C1QTNF9: variants seen among roughly 807,000 people sequenced by gnomAD.
The protein encoded by C1QTNF9 is complement C1q and tumor necrosis factor-related protein 9A.
C1QTNF9 carries 6 observed loss-of-function variants against 10.1 expected under a neutral mutation model. The observed-to-expected ratio is 0.59, with a 90% CI of 0.32 to 1.17. C1QTNF9 has a LOEUF of 1.17. Among genes scored for constraint, C1QTNF9 ranks in the 50% most tolerant of loss-of-function variants. The pLI is 0.04. For missense variants in C1QTNF9, 201 were observed against 418.8 expected (o/e 0.48, Z 4.54); for synonymous variants, 98 against 163.5 (o/e 0.60, Z 3.06).
chr13:24,319,454 G>A (rs1001358065), intron 3 of C1QTNF9, among the ~76,000 whole-genome samples: 1 of 152,110 alleles, frequency 6.6e-6, no homozygotes, highest in Non-Finnish European at 1.5e-5. Flanking sequence ...TGGGAGGATC[G>A]CTTGAGCCTG....
rs527737555 is a variant in C1QTNF9 at position 24,316,599 on chromosome 13, G to A, written c.166+430G>A. 4.6e-5 allele frequency among the ~76,000 whole-genome samples: 7 copies of A among 152,372 alleles called. No homozygotes were observed. In the South Asian group the frequency reaches 1.4e-3, roughly 32 times the overall value. Reference sequence around the variant, plus strand: ...CAGCAAGCACCCAGCTGCAGTGCAGGTGAGAGCTAATACCGCATCATGCCA... The same window carrying A: ...CAGCAAGCACCCAGCTGCAGTGCAGATGAGAGCTAATACCGCATCATGCCA... On this transcript the variant is annotated intron_variant, in intron 2 of 3. Transcript: ENST00000332018.
chr13:24,314,295 T>G (rs1877945687), intron 1 of C1QTNF9, among the ~76,000 whole-genome samples: 1 of 151,978 alleles, frequency 6.6e-6, no homozygotes, highest in Non-Finnish European at 1.5e-5. Context: ...ATACTAGCAC[T>G]TTGGGAGACT....
intron 1 of C1QTNF9, among the ~76,000 whole-genome samples, chr13:24,315,334 C>T (rs933890106): frequency 1.3e-5 from 2 of 152,154 alleles, no homozygotes; most frequent in African/African-American, 4.8e-5. Context: ...GGTTTCACTT[C>T]GCATAATGTT....
intron 1 of C1QTNF9, among the ~76,000 whole-genome samples, chr13:24,312,324 G>A (rs1346737911): frequency 1.3e-5 from 2 of 152,082 alleles, no homozygotes; most frequent in African/African-American, 4.8e-5. Flanking sequence ...TCTAGGTGTG[G>A]TGTACAGAGT....
chr13:24,313,066 G>A (rs1438427415), intron 1 of C1QTNF9, among the ~76,000 whole-genome samples: 4 of 151,910 alleles, frequency 2.6e-5, no homozygotes, highest in African/African-American at 7.3e-5. Context: ...CTAGAAGTTC[G>A]AGTCCAGCCT....
chr13:24,311,881 C>A (rs1353004852), intron 1 of C1QTNF9, among the ~76,000 whole-genome samples: 1 of 152,166 alleles, frequency 6.6e-6, no homozygotes, highest in Non-Finnish European at 1.5e-5. Flanking sequence ...CACCCCCCCA[C>A]AGGAAGCGGG....
chr13:24,311,686 G>T (rs1306866932), intron 1 of C1QTNF9, among the ~76,000 whole-genome samples: 1 of 152,208 alleles, frequency 6.6e-6, no homozygotes, highest in African/African-American at 2.4e-5. Context: ...TGTGGGCTCA[G>T]CTGTGTGTCA....
At chr13:24,311,431 G>A (rs771086565) in intron 1 of C1QTNF9, among the ~76,000 whole-genome samples, 5 of 152,186 alleles carry the variant, frequency 3.3e-5, no homozygotes, top group Non-Finnish European at 5.9e-5. Flanking sequence ...TGGCTCATGC[G>A]GTCACAGCAT....
chr13:24,320,007 G>C (rs1878187671), intron 3 of C1QTNF9, among the ~76,000 whole-genome samples: 2 of 152,158 alleles, frequency 1.3e-5, no homozygotes, highest in Admixed American at 1.3e-4. Flanking sequence ...TCTTTGGTAT[G>C]GGTGGGGGTG....
At chr13:24,322,102 T>C in exon 4 of C1QTNF9, 1 of 235,406 alleles carries the variant, frequency 4.2e-6, no homozygotes, top group Non-Finnish European at 7.9e-6. Flanking sequence ...CTCATCTGTG[T>C]TTCTGAGGAC....
At chr13:24,321,901 T>G (rs1469635365) in exon 4 of C1QTNF9, 1 of 1,257,204 alleles carries the variant, frequency 8.0e-7, no homozygotes, top group African/African-American at 1.5e-5. Flanking sequence ...GAAAAGTTAT[T>G]CCCAAAACTG....
At chr13:24,318,731 C>G (rs1878138032) in intron 2 of C1QTNF9, 87 bp from the exon 3 acceptor site, 1 of 1,593,054 alleles carries the variant, frequency 6.3e-7, no homozygotes, top group South Asian at 1.1e-5. Flanking sequence ...CCCAGACTCT[C>G]CAACACACAT....
chr13:24,313,664 G>T (rs1021282308), intron 1 of C1QTNF9, among the ~76,000 whole-genome samples: 2 of 152,188 alleles, frequency 1.3e-5, no homozygotes, highest in African/African-American at 4.8e-5. Flanking sequence ...ATTTCCACCA[G>T]ATGGCAATAC....
intron 3 of C1QTNF9, among the ~76,000 whole-genome samples, chr13:24,320,579 T>C (rs932087575): frequency 6.6e-6 from 1 of 152,144 alleles, no homozygotes; most frequent in Non-Finnish European, 1.5e-5. Context: ...GAGATAAGGT[T>C]TGGCCATGTT....
chr13:24,315,250 C>G (rs1877981083), intron 1 of C1QTNF9, among the ~76,000 whole-genome samples: 1 of 152,170 alleles, frequency 6.6e-6, no homozygotes, highest in Non-Finnish European at 1.5e-5. Flanking sequence ...CCTACTTTTT[C>G]TTTATATGAG....
chr13:24,309,152 G>A (rs563443864), upstream of C1QTNF9, among the ~76,000 whole-genome samples: 191 of 152,036 alleles, frequency 1.3e-3, no homozygotes, highest in African/African-American at 4.5e-3. Context: ...TCAGGGAGAA[G>A]CACTGAAGCA....
upstream of C1QTNF9, among the ~76,000 whole-genome samples, chr13:24,307,629 T>C (rs74040673): frequency 0.15 from 22,191 of 152,264 alleles, 1,835 homozygotes; most frequent in Middle Eastern, 0.25. Context: ...GATCTGCTCC[T>C]CCCAACCTTG....
At chr13:24,318,311 T>A (rs926589852) in intron 2 of C1QTNF9, among the ~76,000 whole-genome samples, 1 of 152,216 alleles carries the variant, frequency 6.6e-6, no homozygotes, top group Non-Finnish European at 1.5e-5. Context: ...ACTAGAGGGA[T>A]CCTTCCAGAA....
intron 2 of C1QTNF9, among the ~76,000 whole-genome samples, chr13:24,316,763 C>T (rs923745823): frequency 3.3e-5 from 5 of 152,144 alleles, no homozygotes; most frequent in Non-Finnish European, 7.3e-5. Flanking sequence ...AGGATTCAGC[C>T]TCTGGGAGGG....
Sources: allele counts gnomAD v4.1 joint callset (sites outside exome capture counted in the v4.1 genomes callset), GRCh38; gene constraint gnomAD v4.1.1; transcripts MANE v1.5; gene names NCBI Gene and HGNC (gene_info 2026-07-23, HGNC 2026-07-21).